The following TTC19 variants were observed in gnomAD, a reference collection of about 807,000 sequenced individuals.
TTC19 encodes tetratricopeptide repeat protein 19, mitochondrial.
A neutral mutation model predicts 49.5 loss-of-function variants in TTC19; 38 were observed. The ratio of observed to expected loss-of-function variants is 0.77; its 90% CI spans 0.59 to 1.01. The LOEUF (loss-of-function observed/expected upper bound fraction) is 1.01. Among genes scored for constraint, TTC19 ranks in the 50% least tolerant of loss-of-function variants. TTC19 has a pLI of 0.00. For synonymous variants in TTC19, 204 were observed against 185.2 expected (o/e 1.10, Z -0.83); for missense variants, 475 against 477.7 (o/e 0.99, Z 0.05).
rs1349227823 is a variant in TTC19, at chr17:16,028,177, G to T, written c.*655G>T. ...TGGTTATATAAAACTAAAAATGGGGGTGTTTATATAAAACTAAAAACTAAG... is the reference window on the plus strand; with the variant it reads ...TGGTTATATAAAACTAAAAATGGGGTTGTTTATATAAAACTAAAAACTAAG... On this transcript the variant is annotated 3_prime_UTR_variant, in exon 10 of 10. Transcript: ENST00000261647. 4.4e-6 allele frequency: 2 copies of T among 453,866 alleles called. No homozygotes were observed. The highest frequency in any genetic ancestry group is 1.6e-5 in the South Asian group (1 of 64,466). The allele number at this position is 453,866 out of a possible 1,614,324, so 28.1% of individuals were successfully genotyped here. A position where few individuals can be genotyped will look rare whatever the true frequency, so the allele number is the denominator to read the frequency against.
rs571174228 is a variant in TTC19, at chr17:16,040,446, G to A, written c.248-4057G>A. The A allele has an allele frequency of 1.7e-5, 28 of 1,613,378 alleles. No individual in the cohort carries two copies. The highest frequency in any genetic ancestry group is 2.4e-5 in the Non-Finnish European group (28 of 1,179,738). ...TAATGTCTTTTCAATCTTACCTGAC[G>A]TAGTAACTGCTGGCAGATTAAAGAT... On this transcript the variant is annotated intron_variant, in intron 2 of 2. Transcript: ENST00000470649.
At chr17:16,002,609 C>G (rs1970774955) in intron 3 of TTC19, 184 bp from the exon 4 acceptor site, 1 of 638,860 alleles carries the variant, frequency 1.6e-6, no homozygotes, top group Non-Finnish European at 2.8e-6. Flanking sequence ...AAAGTATGTG[C>G]AAGTATTTAA....
downstream of TTC19, chr17:16,029,506 G>C (rs9916868): frequency 0.56 from 138,955 of 250,066 alleles, 39,936 homozygotes; most frequent in African/African-American, 0.67. Flanking sequence ...TAAACATGCA[G>C]TGGAAAACTG....
intron 7 of TTC19, among the ~76,000 whole-genome samples, chr17:16,007,199 G>C (rs1970936700): frequency 6.6e-6 from 1 of 152,142 alleles, no homozygotes. Context: ...ACATAGAGTA[G>C]TCCCCCGTTA....
intron 2 of TTC19, among the ~76,000 whole-genome samples, chr17:16,041,808 C>T (rs761431189): frequency 7.9e-5 from 12 of 152,064 alleles, no homozygotes; most frequent in African/African-American, 1.9e-4. Context: ...GCGATCTTGG[C>T]TCACTGCAAG....
rs1428995654 is a variant in TTC19 at position 16,027,491 on chromosome 17, G to C, written c.1112G>C (p.Ser371Thr). The change falls in exon 10 of 10, where the codon AGT becomes ACT. Residue 371 changes from serine (S) to threonine (T), a missense_variant. Physicochemically the swap from Ser to Thr is moderately conservative, Grantham distance 58. Transcript: ENST00000261647. ...GAGTTGGCTGAGCTGTCAAAGAAAA[G>C]TAGACCTTTGACAAATTCTGTCAAG... Reference protein sequence around the residue: ...REELAELSKKSRPLTNSVKL With the variant: ...REELAELSKKTRPLTNSVKL 6.2e-7 allele frequency: 1 copy of C among 1,614,074 alleles called. No individual in the cohort carries two copies. The highest frequency in any genetic ancestry group is 1.1e-5 in the South Asian group (1 of 91,072).
rs761188338 is a variant in TTC19, at chr17:16,028,886, CAA to C, written c.*1366_*1367del. On this transcript the variant is annotated 3_prime_UTR_variant, in exon 10 of 10. Coordinates refer to ENST00000261647, the MANE Select transcript of TTC19 (RefSeq NM_017775.4). The stretch of plus-strand genomic sequence containing the variant: ...TAAAAACACCAGAAACCTTGAGGTC[CAA>C]ATCCTCAGGGATTAGACTAAAACTA... The C allele has an allele frequency of 1.1e-4, 41 of 379,484 alleles. No homozygotes were observed. Among genetic ancestry groups the C allele is most frequent in the South Asian group, 6.8e-4 (35 of 51,796 alleles). The allele number at this position is 379,484 out of a possible 1,614,324, so 23.5% of individuals were successfully genotyped here. A position where few individuals can be genotyped will look rare whatever the true frequency, so the allele number is the denominator to read the frequency against.
chr17:16,026,418 T>C (rs1597469686), intron 8 of TTC19, 122 bp from the exon 9 acceptor site: 1 of 899,720 alleles, frequency 1.1e-6, no homozygotes, highest in East Asian at 2.6e-5. Context: ...ATGGTATCCC[T>C]CATCTTTTGT....
Position 16,028,631 on chromosome 17 carries a change from A to T in TTC19, c.*1109A>T. On this transcript the variant is annotated 3_prime_UTR_variant, in exon 10 of 10. Coordinates refer to ENST00000261647, the MANE Select transcript of TTC19 (RefSeq NM_017775.4). ...GAATACATTTTTAGCCATTTACCTA[A>T]GGAAAAAGACAGTTTTTCTAGGTAC... 2.2e-6 allele frequency: 1 copy of T among 453,902 alleles called. No homozygotes were observed. Among genetic ancestry groups the T allele is most frequent in the South Asian group, 1.6e-5 (1 of 64,468 alleles). 28.1% of individuals were successfully genotyped at this position (453,902 alleles called of 1,614,324 possible).
chr17:16,040,557 C>G, intron 2 of TTC19: 2 of 1,362,190 alleles, frequency 1.5e-6, no homozygotes, highest in South Asian at 2.5e-5. Flanking sequence ...AAACTAAAGT[C>G]TCAAAAAATT....
At chr17:16,042,098 G>A (rs2057816075) in intron 2 of TTC19, among the ~76,000 whole-genome samples, 1 of 152,178 alleles carries the variant, frequency 6.6e-6, no homozygotes, top group Admixed American at 6.5e-5. Context: ...GAGCACATGA[G>A]AGGAGGGAAG....
downstream of TTC19, chr17:16,032,263 C>T: frequency 6.4e-7 from 1 of 1,560,960 alleles, no homozygotes; most frequent in South Asian, 1.2e-5. Flanking sequence ...AGAGATCCCT[C>T]TCCTGCACCC....
downstream of TTC19, chr17:16,032,014 AG>A (rs1972096778): frequency 2.5e-6 from 1 of 396,976 alleles, no homozygotes; most frequent in Admixed American, 4.7e-5. Flanking sequence ...TACAGATGTA[AG>A]AACAGCAACT....
At position 16,002,811 on chromosome 17, in the gene TTC19, A is replaced by G; in HGVS notation, c.442A>G (p.Ile148Val). Residue 148 changes from isoleucine (I) to valine (V), a missense_variant, in exon 4 of 10, where the codon ATA (isoleucine) becomes GTA (valine). Transcript: ENST00000261647. Reference protein sequence around the residue: ...TYDLMANLAFIRGQLENAEQL... With the variant: ...TYDLMANLAFVRGQLENAEQL... ...CTTTCAGATGGCCAACTTAGCATTTATACGGGGTCAGCTTGAAAATGTAAG... is the reference window on the plus strand; with the variant it reads ...CTTTCAGATGGCCAACTTAGCATTTGTACGGGGTCAGCTTGAAAATGTAAG... 6.2e-7 allele frequency: 1 copy of G among 1,614,134 alleles called. No individual in the cohort carries two copies. The highest frequency in any genetic ancestry group is 8.5e-7 in the Non-Finnish European group (1 of 1,180,006).
At chr17:16,006,390 A>T (rs904391313) in intron 6 of TTC19, 84 bp from the exon 7 acceptor site, 3 of 1,017,790 alleles carry the variant, frequency 2.9e-6, no homozygotes, top group Non-Finnish European at 4.7e-6. Context: ...AGCCTGGGCA[A>T]CAAGAGCGAA....
downstream of TTC19, chr17:16,032,308 A>G: frequency 3.1e-6 from 5 of 1,612,738 alleles, no homozygotes; most frequent in South Asian, 1.1e-5. Context: ...AGTCATCACT[A>G]TCCGACAGGG....
At position 16,000,127 on chromosome 17, in the gene TTC19, G is replaced by A. The variant is rs779592523; in HGVS notation, c.194G>A (p.Trp65Ter). Reference protein sequence around the residue: ...GLLPLLAALAWFSRPAAAEEE... With the variant: ...GLLPLLAALA The stretch of plus-strand genomic sequence containing the variant: ...GAGCCCCTTCCCGCAGCGCTCGCCT[G>A]GTTCTCGAGGCCCGCTGCGGCAGAG... The change falls in exon 2 of 10, where the codon TGG becomes TAG. Residue 65 changes from tryptophan to a stop codon, truncating the protein, a stop_gained. Transcript: ENST00000261647. LOFTEE classifies it high-confidence loss of function. The A allele has an allele frequency of 1.3e-6, 2 of 1,567,654 alleles. No individual in the cohort carries two copies. Among genetic ancestry groups the A allele is most frequent in the South Asian group, 1.1e-5 (1 of 87,892 alleles).
intron 8 of TTC19, 37 bp from the exon 9 acceptor site, chr17:16,026,503 T>A: frequency 6.2e-7 from 1 of 1,608,256 alleles, no homozygotes; most frequent in East Asian, 2.2e-5. Context: ...TGAAGGCATG[T>A]TTTTAAAGAA....
chr17:16,027,018 GT>G, intron 9 of TTC19: 1 of 517,386 alleles, frequency 1.9e-6, no homozygotes, highest in East Asian at 3.5e-5. Context: ...TTCTCACAGT[GT>G]GCTGGTGAAG....
Sources: gnomAD v4.1 joint callset for allele counts (sites outside exome capture counted in the v4.1 genomes callset) on GRCh38, gnomAD v4.1.1 for gene constraint, MANE v1.5 for transcripts, NCBI Gene and HGNC (gene_info 2026-07-23, HGNC 2026-07-21) for gene names.